Variants in CDC42SE2 observed in about 807,000 individuals in gnomAD.
CDC42SE2 encodes the protein CDC42 small effector protein 2.
A neutral mutation model predicts 11.5 loss-of-function variants in CDC42SE2; 3 were observed. That is an observed-to-expected ratio of 0.26 (90% CI 0.12 to 0.67). The LOEUF (loss-of-function observed/expected upper bound fraction) is 0.67, where lower values mean the gene tolerates loss of function less well. Ranked by LOEUF, CDC42SE2 falls within the 30% of genes least tolerant of loss-of-function variation. The pLI is 0.80. For synonymous variants in CDC42SE2, 33 were observed against 34.8 expected, an observed-to-expected ratio of 0.95 and a Z score of 0.18; for missense variants, 82 against 106.8, an observed-to-expected ratio of 0.77 and a Z score of 1.02.
the CDC42SE2 span, among the ~76,000 whole-genome samples, chr5:131,231,421 G>A: frequency 1.3e-5 from 2 of 151,858 alleles, no homozygotes; most frequent in Non-Finnish European, 2.9e-5. Flanking sequence ...GATCATTTTT[G>A]TTGCATAACA....
At chr5:131,251,234 G>A (rs1756636218) in intron 1 of CDC42SE2, among the ~76,000 whole-genome samples, 1 of 152,148 alleles carries the variant, frequency 6.6e-6, no homozygotes, top group Non-Finnish European at 1.5e-5. Context: ...CTTTTGTAGT[G>A]CGCAAAAGAA....
At chr5:131,242,309 A>AC (rs1756546446), upstream of CDC42SE2, among the ~76,000 whole-genome samples, 1 of 152,310 alleles carries the variant, frequency 6.6e-6, no homozygotes, top group Admixed American at 6.5e-5. Context: ...ACAAGTGGTG[A>AC]CGTTTGTAGT....
chr5:131,235,001 G>A, the CDC42SE2 span, among the ~76,000 whole-genome samples: 1 of 150,094 alleles, frequency 6.7e-6, no homozygotes, highest in Non-Finnish European at 1.5e-5. Context: ...TGATTCTCCT[G>A]CCTCAGCCTC....
chr5:131,261,858 C>CA (rs751406623), upstream of CDC42SE2, among the ~76,000 whole-genome samples: 5,156 of 60,222 alleles, frequency 0.086, 145 homozygotes, highest in Non-Finnish European at 0.12. Flanking sequence ...GACCCTGTCT[C>CA]AAAAAAAAAA....
intron 2 of CDC42SE2, among the ~76,000 whole-genome samples, chr5:131,336,145 C>T (rs1181121233): frequency 1.1e-4 from 17 of 148,850 alleles, no homozygotes; most frequent in South Asian, 2.1e-4. Context: ...CCTTCAGGAG[C>T]TCTTTTAGGG....
chr5:131,267,349 G>T (rs553964037), intron 1 of CDC42SE2, among the ~76,000 whole-genome samples: 44 of 151,862 alleles, frequency 2.9e-4, no homozygotes, highest in African/African-American at 1.0e-3. Flanking sequence ...GAGCCACCAC[G>T]CCAGGCCATA....
intron 2 of CDC42SE2, among the ~76,000 whole-genome samples, 161 bp from the exon 3 acceptor site, chr5:131,359,048 A>C (rs1749634276): frequency 6.6e-6 from 1 of 152,228 alleles, no homozygotes; most frequent in Admixed American, 6.5e-5. Context: ...TGACACTTAA[A>C]AAGTTGCTCA....
chr5:131,232,036 C>G, the CDC42SE2 span, among the ~76,000 whole-genome samples: 1 of 152,122 alleles, frequency 6.6e-6, no homozygotes, highest in African/African-American at 2.4e-5. Flanking sequence ...GTGATCCACC[C>G]GCCTTGGCCT....
At chr5:131,310,191 C>T (rs1471760861) in intron 1 of CDC42SE2, among the ~76,000 whole-genome samples, 10 of 151,432 alleles carry the variant, frequency 6.6e-5, no homozygotes, top group African/African-American at 2.2e-4. Flanking sequence ...TTTCTGCCTT[C>T]ATTTTGTTAT....
chr5:131,268,136 C>T (rs976937200), intron 1 of CDC42SE2, among the ~76,000 whole-genome samples: 14 of 139,410 alleles, frequency 1.0e-4, no homozygotes, highest in African/African-American at 3.5e-4. Flanking sequence ...AATCTCGGCT[C>T]ACTGCAACCT....
At chr5:131,368,321 C>T (rs1403762583) in intron 3 of CDC42SE2, among the ~76,000 whole-genome samples, 1 of 151,774 alleles carries the variant, frequency 6.6e-6, no homozygotes, top group Non-Finnish European at 1.5e-5. Flanking sequence ...TATCAGGCTT[C>T]CCTACATGCA....
chr5:131,270,014 T>C (rs1446615668), intron 1 of CDC42SE2, among the ~76,000 whole-genome samples: 1 of 151,756 alleles, frequency 6.6e-6, no homozygotes, highest in Non-Finnish European at 1.5e-5. Context: ...TGAGCTGGGA[T>C]GGCACCACTC....
intron 1 of CDC42SE2, among the ~76,000 whole-genome samples, chr5:131,299,339 C>T (rs11242071): frequency 0.011 from 1,614 of 152,120 alleles, 31 homozygotes; most frequent in African/African-American, 0.036. Flanking sequence ...TTATGGTATT[C>T]GTTGAGAGAT....
At chr5:131,332,653 C>T (rs1408546261) in intron 2 of CDC42SE2, among the ~76,000 whole-genome samples, 1 of 152,094 alleles carries the variant, frequency 6.6e-6, no homozygotes, top group African/African-American at 2.4e-5. Flanking sequence ...TTTTAATGAT[C>T]ACCATTCTAA....
chr5:131,257,901 C>T (rs1430250465), intron 2 of CDC42SE2, among the ~76,000 whole-genome samples: 1 of 152,158 alleles, frequency 6.6e-6, no homozygotes, highest in Non-Finnish European at 1.5e-5. Flanking sequence ...CTGGTGCTTG[C>T]TGAATGGCTT....
chr5:131,347,856 A>T (rs1257364556), intron 2 of CDC42SE2, among the ~76,000 whole-genome samples: 3 of 152,236 alleles, frequency 2.0e-5, no homozygotes, highest in Non-Finnish European at 4.4e-5. Context: ...TATGCAAATC[A>T]ATAAACGTAA....
intron 2 of CDC42SE2, among the ~76,000 whole-genome samples, chr5:131,347,500 A>G (rs914092770): frequency 3.3e-5 from 5 of 152,216 alleles, no homozygotes; most frequent in African/African-American, 4.8e-5. Flanking sequence ...AATTGAGGCA[A>G]TAATCAATAG....
chr5:131,234,133 C>T, the CDC42SE2 span, among the ~76,000 whole-genome samples: 2 of 152,150 alleles, frequency 1.3e-5, no homozygotes, highest in African/African-American at 2.4e-5. Context: ...TATCTAGTCA[C>T]CTTACAAACT....
chr5:131,228,471 CT>C, the CDC42SE2 span, among the ~76,000 whole-genome samples: 2 of 152,184 alleles, frequency 1.3e-5, no homozygotes, highest in African/African-American at 4.8e-5. Flanking sequence ...GGAATTCTGG[CT>C]TCAGTCTTTG....
Sources: allele counts gnomAD v4.1 joint callset (sites outside exome capture counted in the v4.1 genomes callset), GRCh38; gene constraint gnomAD v4.1.1; transcripts MANE v1.5; gene names NCBI Gene and HGNC (gene_info 2026-07-23, HGNC 2026-07-21).